Variants in CACNA2D1 observed in about 807,000 individuals in gnomAD.
The protein encoded by CACNA2D1 is calcium voltage-gated channel auxiliary subunit alpha2delta 1, also known as voltage-dependent calcium channel subunit alpha-2/delta-1.
Under a neutral mutation model 171.5 loss-of-function variants are expected in CACNA2D1, and 53 were observed. The observed-to-expected ratio is 0.31, with a 90% CI of 0.25 to 0.39. CACNA2D1 has a LOEUF of 0.39. Ranked by LOEUF, CACNA2D1 falls within the 10% of genes least tolerant of loss-of-function variation. The probability of loss-of-function intolerance (pLI) is 1.00; values close to 1 mark genes in which losing one functional copy is unlikely to be tolerated. For synonymous variants in CACNA2D1, 442 were observed against 443.1 expected (o/e 1.00, Z 0.03); for missense variants, 903 against 1,299.8 (o/e 0.69, Z 4.69).
At position 82,305,808 on chromosome 7, in the gene CACNA2D1, C is replaced by T. The variant is rs6948946; in HGVS notation, c.294+29327G>A. On this transcript the variant is annotated intron_variant, in intron 3 of 38. Transcript: ENST00000356860. The stretch of plus-strand genomic sequence containing the variant: ...AGAGGGCAAAGGGAAGGTTTCCCTA[C>T]ACTTTTGGTGCTATGAGCAACGTAA... 7.6e-3 allele frequency among the ~76,000 whole-genome samples: 1,161 copies of T among 152,272 alleles called. 7 individuals are homozygous for T. The highest frequency in any genetic ancestry group is 0.012 in the Non-Finnish European group (783 of 68,012).
chr7:82,127,534 A>T (rs952417904), intron 5 of CACNA2D1, among the ~76,000 whole-genome samples: 1 of 152,124 alleles, frequency 6.6e-6, no homozygotes, highest in African/African-American at 2.4e-5. Context: ...AATCACTAAA[A>T]CTTTAGTAGA....
chr7:82,304,716 G>A (rs1294422602), intron 3 of CACNA2D1, among the ~76,000 whole-genome samples: 1 of 152,054 alleles, frequency 6.6e-6, no homozygotes, highest in East Asian at 1.9e-4. Flanking sequence ...TTTTAGGGGA[G>A]GGGTGTATAG....
chr7:82,007,147 T>G (rs2130880537), intron 16 of CACNA2D1, among the ~76,000 whole-genome samples: 1 of 152,026 alleles, frequency 6.6e-6, no homozygotes, highest in African/African-American at 2.4e-5. Flanking sequence ...CTATAAAAAT[T>G]AAGCATTCTA....
At chr7:82,176,125 G>A (rs1352773485) in intron 3 of CACNA2D1, among the ~76,000 whole-genome samples, 2 of 151,982 alleles carry the variant, frequency 1.3e-5, no homozygotes, top group South Asian at 2.1e-4. Context: ...AGATCATTGT[G>A]TTCTGCCTGT....
chr7:82,197,852 T>A (rs572647242), intron 3 of CACNA2D1, among the ~76,000 whole-genome samples: 1 of 152,034 alleles, frequency 6.6e-6, no homozygotes, highest in South Asian at 2.1e-4. Context: ...TTATATCTTA[T>A]CTTGCTATCC....
At chr7:82,430,085 C>A (rs1013631278) in intron 1 of CACNA2D1, among the ~76,000 whole-genome samples, 13 of 152,062 alleles carry the variant, frequency 8.5e-5, no homozygotes, top group Non-Finnish European at 1.3e-4. Flanking sequence ...TTTACACATT[C>A]TTTTCTATGG....
At chr7:82,086,228 C>T (rs118140293) in intron 6 of CACNA2D1, among the ~76,000 whole-genome samples, 6 of 152,158 alleles carry the variant, frequency 3.9e-5, no homozygotes, top group East Asian at 1.9e-4. Flanking sequence ...TTAAAAACAG[C>T]GCCTGTGAAA....
At chr7:82,047,522 G>A (rs1248200321) in intron 10 of CACNA2D1, among the ~76,000 whole-genome samples, 1 of 152,122 alleles carries the variant, frequency 6.6e-6, no homozygotes, top group African/African-American at 2.4e-5. Flanking sequence ...TCATATGAGT[G>A]AGGATGACTG....
chr7:82,240,166 C>T (rs980723809), intron 3 of CACNA2D1, among the ~76,000 whole-genome samples: 1 of 152,108 alleles, frequency 6.6e-6, no homozygotes. Context: ...CGTTTAAACC[C>T]CATCCCTGGC....
At chr7:82,040,762 G>T (rs1803858941) in intron 10 of CACNA2D1, among the ~76,000 whole-genome samples, 1 of 152,128 alleles carries the variant, frequency 6.6e-6, no homozygotes, top group African/African-American at 2.4e-5. Context: ...ATCACCTGAG[G>T]TCGGGAGTTT....
Position 81,972,711 on chromosome 7 carries a change from T to C in CACNA2D1, c.2054-847A>G, listed in dbSNP as rs1006149266. Reference sequence around the variant, plus strand: ...TTGTTCCTCTAAACCCATTAAGCTCTGAAATACCCTAACAGGTACCCTCTG... The same window carrying C: ...TTGTTCCTCTAAACCCATTAAGCTCCGAAATACCCTAACAGGTACCCTCTG... On this transcript the variant is annotated intron_variant, in intron 25 of 38. Transcript: ENST00000356860. Among the ~76,000 whole-genome samples the C allele has an allele frequency of 3.3e-5, 5 of 151,934 alleles. No homozygotes were observed. The Admixed American group carries it at 3.3e-4, about 10-fold the overall frequency.
rs572803547 is a variant in CACNA2D1 at position 82,302,187 on chromosome 7, T to C, written c.294+32948A>G. The stretch of plus-strand genomic sequence containing the variant: ...GTACCCCTTATTAGAGTTCTAGATT[T>C]TGGGGGTTTTTGGTGATTTTTCATA... On this transcript the variant is annotated intron_variant, in intron 3 of 38. Coordinates refer to ENST00000356860, the MANE Select transcript of CACNA2D1 (RefSeq NM_000722.4). 2.0e-5 allele frequency among the ~76,000 whole-genome samples: 3 copies of C among 152,320 alleles called. No homozygotes were observed. The South Asian group carries it at 6.2e-4, about 32-fold the overall frequency.
At chr7:82,250,895 C>T (rs562141780) in intron 3 of CACNA2D1, among the ~76,000 whole-genome samples, 3 of 152,100 alleles carry the variant, frequency 2.0e-5, no homozygotes, top group Non-Finnish European at 4.4e-5. Flanking sequence ...CAGTTTGCCA[C>T]AAGAATATCT....
chr7:82,069,651 A>G (rs1461843194), intron 7 of CACNA2D1, among the ~76,000 whole-genome samples: 3 of 152,144 alleles, frequency 2.0e-5, no homozygotes, highest in Admixed American at 6.6e-5. Flanking sequence ...TTCTTGAGAA[A>G]GTACGCAGAT....
intron 12 of CACNA2D1, among the ~76,000 whole-genome samples, chr7:82,021,939 T>C (rs1268973051): frequency 6.6e-6 from 1 of 151,942 alleles, no homozygotes; most frequent in Non-Finnish European, 1.5e-5. Flanking sequence ...ACACAAACAA[T>C]GGGCAATCTC....
chr7:82,204,215 T>A (rs1460503178), intron 3 of CACNA2D1, among the ~76,000 whole-genome samples: 2 of 152,200 alleles, frequency 1.3e-5, no homozygotes, highest in East Asian at 3.9e-4. Flanking sequence ...GTCAATGGGC[T>A]GAACCTAGAG....
intron 20 of CACNA2D1, among the ~76,000 whole-genome samples, chr7:81,991,456 A>T (rs1203478753): frequency 1.3e-5 from 2 of 152,220 alleles, no homozygotes; most frequent in African/African-American, 4.8e-5. Context: ...AAATCTTTAT[A>T]GTTTATGCCA....
At chr7:82,226,911 A>G (rs1802423765) in intron 3 of CACNA2D1, among the ~76,000 whole-genome samples, 1 of 152,194 alleles carries the variant, frequency 6.6e-6, no homozygotes, top group Non-Finnish European at 1.5e-5. Context: ...GCTGGGGTAG[A>G]AGGCCTTCCC....
chr7:82,262,051 G>A (rs1371883204), intron 3 of CACNA2D1, among the ~76,000 whole-genome samples: 2 of 152,212 alleles, frequency 1.3e-5, no homozygotes, highest in African/African-American at 2.4e-5. Context: ...AAAACACAAG[G>A]CTGGGTGTGG....
Sources: allele counts gnomAD v4.1 joint callset (sites outside exome capture counted in the v4.1 genomes callset), GRCh38; gene constraint gnomAD v4.1.1; transcripts MANE v1.5; gene names NCBI Gene and HGNC (gene_info 2026-07-23, HGNC 2026-07-21).